The following TDP1 variants were observed in gnomAD, a reference collection of about 807,000 sequenced individuals.
The protein encoded by TDP1 is tyr-DNA phosphodiesterase 1.
Under a neutral mutation model 81.5 loss-of-function variants are expected in TDP1, and 64 were observed. The observed-to-expected ratio is 0.79, with a 90% CI of 0.64 to 0.97. TDP1 has a LOEUF of 0.97. Among genes scored for constraint, TDP1 ranks in the 50% least tolerant of loss-of-function variants. TDP1 has a pLI of 0.00. For missense variants in TDP1, 723 were observed against 743.8 expected, an observed-to-expected ratio of 0.97 and a Z score of 0.33; for synonymous variants, 256 against 264.3, an observed-to-expected ratio of 0.97 and a Z score of 0.30.
At chr14:90,021,993 G>T (rs1229410647) in intron 15 of TDP1, among the ~76,000 whole-genome samples, 1 of 152,198 alleles carries the variant, frequency 6.6e-6, no homozygotes, top group African/African-American at 2.4e-5. Flanking sequence ...CTTTGGTTGG[G>T]CTGTGTCCTT....
chr14:89,970,033 C>T (rs1226001208), intron 5 of TDP1, among the ~76,000 whole-genome samples: 2 of 151,152 alleles, frequency 1.3e-5, no homozygotes, highest in East Asian at 1.9e-4. Flanking sequence ...CCCGCCACTA[C>T]GCCCGGCTAA....
chr14:90,003,110 G>T (rs1054202678), intron 14 of TDP1, among the ~76,000 whole-genome samples: 3 of 151,954 alleles, frequency 2.0e-5, no homozygotes, highest in African/African-American at 7.2e-5. Flanking sequence ...GCTAATTTTT[G>T]TATTTTTAGT....
At position 89,963,623 on chromosome 14, in the gene TDP1, G is replaced by A; in HGVS notation, c.509G>A (p.Arg170Lys). Residue 170 changes from arginine (R) to lysine (K), a missense_variant, in exon 3 of 17, where the codon AGA (arginine) becomes AAA (lysine). Coordinates refer to ENST00000335725, the MANE Select transcript of TDP1 (RefSeq NM_018319.4). ...KGNPFQFYLT[R>K]VSGVKPKYNS... ...AACCCCTTCCAGTTTTACCTCACTA[G>A]AGTCTCTGGAGTTAAGCCAAAGTAT... 1 of 1,614,120 alleles carries A rather than the reference G, an allele frequency of 6.2e-7. No homozygotes were observed.
rs751222886 is a variant in TDP1 at position 90,033,142 on chromosome 14, G to A, written c.1681G>A (p.Ala561Thr). 9 of 1,613,264 alleles carry A rather than the reference G, an allele frequency of 5.6e-6. No homozygotes were observed. The highest frequency in any genetic ancestry group is 4.5e-5 in the East Asian group (2 of 44,880). Reference protein sequence around the residue: ...DSFKVKQKFFAGSQEPMATFP... With the variant: ...DSFKVKQKFFTGSQEPMATFP... ...TTTCAAAGTGAAACAGAAGTTCTTC[G>A]CTGGCAGCCAGGAGCCAATGGCCAC... Residue 561 changes from alanine (A) to threonine (T), a missense_variant, in exon 16 of 17, where the codon GCT becomes ACT. Coordinates refer to ENST00000335725, the MANE Select transcript of TDP1 (RefSeq NM_018319.4).
At chr14:89,999,011 G>T (rs910253894) in intron 14 of TDP1, among the ~76,000 whole-genome samples, 4 of 152,130 alleles carry the variant, frequency 2.6e-5, no homozygotes, top group Non-Finnish European at 4.4e-5. Context: ...CTTGTTCCAT[G>T]AGATTTTCTA....
intron 7 of TDP1, among the ~76,000 whole-genome samples, chr14:89,977,654 A>C (rs970148856): frequency 1.3e-5 from 2 of 152,208 alleles, no homozygotes; most frequent in African/African-American, 4.8e-5. Context: ...ACAGCTCAAG[A>C]GGATATAGAG....
intron 10 of TDP1, among the ~76,000 whole-genome samples, chr14:89,985,959 G>A (rs35461106): frequency 0.018 from 2,666 of 152,266 alleles, 81 homozygotes; most frequent in African/African-American, 0.061. Context: ...CCCGGGAGGC[G>A]GAGATTGCAG....
At chr14:90,036,841 G>C (rs372721778) in intron 16 of TDP1, among the ~76,000 whole-genome samples, 1 of 129,754 alleles carries the variant, frequency 7.7e-6, no homozygotes, top group Admixed American at 8.8e-5. Context: ...ATAGGGTCTC[G>C]CTCTGTCACC....
At chr14:90,030,761 C>G (rs1400884611) in intron 15 of TDP1, among the ~76,000 whole-genome samples, 1 of 149,734 alleles carries the variant, frequency 6.7e-6, no homozygotes, top group East Asian at 1.9e-4. Flanking sequence ...TTGATTATCT[C>G]ATTTTTACTC....
rs1289324942 is a variant in TDP1 at position 90,043,134 on chromosome 14, G to A, written c.1818G>A (p.Val606=). 6.2e-7 allele frequency: 1 copy of A among 1,614,158 alleles called. No homozygotes were observed. The highest frequency in any genetic ancestry group is 1.3e-5 in the African/African-American group (1 of 75,028). ...CGGATACGCATGGGAACATGTGGGT[G>A]CCCTCCTGAGAATCTTGAGGCACTG... ...KAPDTHGNMW[V]PS Residue 606 remains valine, a synonymous_variant, in exon 17 of 17, where the codon GTG becomes GTA. Transcript: ENST00000335725.
Position 89,998,514 on chromosome 14 carries a change from TCCCC to T in TDP1, c.1541+5032_1541+5035del, listed in dbSNP as rs1896921352. Among the ~76,000 whole-genome samples, 8 of 149,920 alleles carry T rather than the reference TCCCC, an allele frequency of 5.3e-5. No individual in the cohort carries two copies. The South Asian group carries it at 1.7e-3, about 32-fold the overall frequency. Reference sequence around the variant, plus strand: ...AGCCGTTCTACAGTGTATCCATTAATCCCCTTTTCAGATGGAAGAACTGAAGCAC... The same window carrying T: ...AGCCGTTCTACAGTGTATCCATTAATTTTTCAGATGGAAGAACTGAAGCAC... On this transcript the variant is annotated intron_variant, in intron 14 of 16. Transcript: ENST00000335725.
At chr14:89,991,810 A>G (rs1452221425) in intron 12 of TDP1, 107 bp from the exon 13 acceptor site, 3 of 1,252,550 alleles carry the variant, frequency 2.4e-6, no homozygotes, top group Non-Finnish European at 3.3e-6. Context: ...TAATAGAAGT[A>G]GTTTTTTTCC....
At chr14:89,975,072 A>G (rs1356617397) in intron 6 of TDP1, among the ~76,000 whole-genome samples, 1 of 152,056 alleles carries the variant, frequency 6.6e-6, no homozygotes, top group Non-Finnish European at 1.5e-5. Flanking sequence ...CACCACTTTC[A>G]GTGTTTCTTT....
Position 89,993,383 on chromosome 14 carries a change from T to TGA in TDP1, c.1441_1442insGA (p.Ser481Ter), listed in dbSNP as rs1255521834. 5.6e-6 allele frequency: 9 copies of TGA among 1,613,000 alleles called. No homozygotes were observed. Among genetic ancestry groups the TGA allele is most frequent in the Non-Finnish European group, 7.6e-6 (9 of 1,179,216 alleles). ...TGTCTTTTCTGTCACTAGCAAATGG[T>TGA]CAGCTGAGACTTCTGGCCGCAGCAA... ...NWLHSYFHKW[S>*]AETSGRSNAM... The change falls in exon 14 of 17, where the codon TCA becomes TGACA. Residue 481 changes from serine to a stop codon, truncating the protein, a stop_gained and frameshift_variant. Coordinates refer to ENST00000335725, the MANE Select transcript of TDP1 (RefSeq NM_018319.4). LOFTEE classifies it high-confidence loss of function.
intron 13 of TDP1, chr14:89,992,882 G>C: frequency 1.0e-6 from 1 of 971,646 alleles, no homozygotes; most frequent in Non-Finnish European, 1.2e-6. Context: ...TCAGATTTGT[G>C]AATGTCAGCA....
At position 90,041,257 on chromosome 14, in the gene TDP1, G is replaced by A. The variant is rs576859141; in HGVS notation, c.1754-1813G>A. On this transcript the variant is annotated intron_variant, in intron 16 of 16. Transcript: ENST00000335725. ...GCTTGCTGAGGCCAATGAGTGCAAT[G>A]GGGAGTCAGATCTGTCAGCCCTGCC... Among the ~76,000 whole-genome samples, 3 of 152,288 alleles carry A rather than the reference G, an allele frequency of 2.0e-5. No individual in the cohort carries two copies. The South Asian group carries it at 6.2e-4, about 32-fold the overall frequency.
intron 7 of TDP1, among the ~76,000 whole-genome samples, chr14:89,979,372 C>G (rs1190958994): frequency 6.6e-6 from 1 of 151,148 alleles, no homozygotes; most frequent in Non-Finnish European, 1.5e-5. Flanking sequence ...TGCAGTGGTG[C>G]AGTCTCGGCT....
intron 7 of TDP1, among the ~76,000 whole-genome samples, chr14:89,976,527 C>CTTTTT (rs35744477): frequency 2.3e-5 from 2 of 88,756 alleles, no homozygotes; most frequent in Admixed American, 1.3e-4. Flanking sequence ...CAACAGAGCT[C>CTTTTT]TTTTTTTTTT....
intron 3 of TDP1, among the ~76,000 whole-genome samples, chr14:89,964,469 G>A (rs1477224284): frequency 6.6e-6 from 1 of 152,158 alleles, no homozygotes; most frequent in African/African-American, 2.4e-5. Flanking sequence ...AGTAACCAGT[G>A]TAATATATTC....
Sources: allele counts gnomAD v4.1 joint callset (sites outside exome capture counted in the v4.1 genomes callset), GRCh38; gene constraint gnomAD v4.1.1; transcripts MANE v1.5; gene names NCBI Gene and HGNC (gene_info 2026-07-23, HGNC 2026-07-21).